LSAMP: variants seen among roughly 807,000 people sequenced by gnomAD.
LSAMP encodes limbic system associated membrane protein, also known as limbic system-associated membrane protein.
Under a neutral mutation model 38.6 loss-of-function variants are expected in LSAMP, and 7 were observed. The observed-to-expected ratio is 0.18, with a 90% CI of 0.10 to 0.34. The LOEUF is 0.34. LSAMP is among the 10% of genes least tolerant of loss of function. The pLI is 1.00. For missense variants in LSAMP, 313 were observed against 420.0 expected, an observed-to-expected ratio of 0.75 and a Z score of 2.23; for synonymous variants, 154 against 166.8, an observed-to-expected ratio of 0.92 and a Z score of 0.59.
chr3:116,264,047 T>C (rs967084116), intron 1 of LSAMP, among the ~76,000 whole-genome samples: 1 of 152,220 alleles, frequency 6.6e-6, no homozygotes, highest in East Asian at 1.9e-4. Flanking sequence ...CAAGTCTGCC[T>C]GCACTTGGTT....
In LSAMP at chr3:115,922,198, T is replaced by C. The variant is rs968835057; in HGVS notation, c.515-69581A>G. On this transcript the variant is annotated intron_variant, in intron 3 of 6. Transcript: ENST00000490035. ...GCTTCCTTCTCTCCTCCTTCTGGAA[T>C]TTCCATAATGCCTATATTGCTTGAT... 5.3e-5 allele frequency among the ~76,000 whole-genome samples: 8 copies of C among 152,300 alleles called. No individual in the cohort carries two copies. In the East Asian group the frequency reaches 1.4e-3, roughly 26 times the overall value.
intron 1 of LSAMP, among the ~76,000 whole-genome samples, chr3:116,346,454 C>T (rs530121274): frequency 1.3e-5 from 2 of 151,960 alleles, no homozygotes; most frequent in East Asian, 3.9e-4. Context: ...TCAGTGTCCA[C>T]AGTAGCTGAG....
intron 1 of LSAMP, among the ~76,000 whole-genome samples, chr3:116,102,785 A>ATCTATCTATCTATCTATCTATCTGTCTG (rs562864883): frequency 1.3e-4 from 20 of 151,804 alleles, no homozygotes; most frequent in African/African-American, 4.9e-4. Context: ...CTATCTATCT[A>ATCTATCTATCTATCTATCTATCTGTCTG]TCTGTCTGTC....
At chr3:116,108,951 G>A (rs1576367788) in intron 1 of LSAMP, among the ~76,000 whole-genome samples, 1 of 150,416 alleles carries the variant, frequency 6.6e-6, no homozygotes, top group African/African-American at 2.4e-5. Flanking sequence ...AAGTCCTGTT[G>A]TGGGGTTTGA....
chr3:115,885,316 G>GT (rs1353028997), intron 3 of LSAMP, among the ~76,000 whole-genome samples: 1 of 151,948 alleles, frequency 6.6e-6, no homozygotes, highest in East Asian at 1.9e-4. Flanking sequence ...TTTAAGAGTT[G>GT]TAAGTGTGGA....
chr3:116,323,656 TG>T (rs2107732879), intron 1 of LSAMP, among the ~76,000 whole-genome samples: 1 of 152,238 alleles, frequency 6.6e-6, no homozygotes, highest in Admixed American at 6.5e-5. Flanking sequence ...CATAGGTTCT[TG>T]GAAAAGCAGA....
Position 115,932,308 on chromosome 3 carries a change from C to A in LSAMP, c.515-79691G>T, listed in dbSNP as rs147486615. Among the ~76,000 whole-genome samples the A allele has an allele frequency of 5.9e-4, 90 of 152,298 alleles. 1 individual carries two copies. The highest frequency in any genetic ancestry group is 1.4e-3 in the Admixed American group (22 of 15,290). On this transcript the variant is annotated intron_variant, in intron 3 of 6. Transcript: ENST00000490035. ...GGACTTTTGTCTTCTGACCACAGAA[C>A]CTGTGCTTTTAACTTTTACATTACA... is the stretch of plus-strand genomic sequence containing the variant.
At chr3:116,140,600 A>G (rs1041752377) in intron 1 of LSAMP, among the ~76,000 whole-genome samples, 1 of 151,982 alleles carries the variant, frequency 6.6e-6, no homozygotes, top group Non-Finnish European at 1.5e-5. Context: ...GATCAAGTAA[A>G]TTGAATTAAA....
intron 1 of LSAMP, among the ~76,000 whole-genome samples, chr3:116,129,119 T>C (rs989776818): frequency 6.6e-6 from 1 of 152,144 alleles, no homozygotes; most frequent in Non-Finnish European, 1.5e-5. Flanking sequence ...ACATAAAACG[T>C]GAATTCATAG....
intron 1 of LSAMP, among the ~76,000 whole-genome samples, chr3:116,263,055 T>C (rs1430376831): frequency 6.6e-6 from 1 of 152,228 alleles, no homozygotes; most frequent in African/African-American, 2.4e-5. Flanking sequence ...TGGGGAAGCC[T>C]GTCTGCTCTC....
intron 1 of LSAMP, among the ~76,000 whole-genome samples, chr3:116,305,933 C>CT (rs11347560): frequency 0.15 from 22,050 of 143,850 alleles, 2,231 homozygotes; most frequent in African/African-American, 0.29. Context: ...TATTTCAGTG[C>CT]TTTTTTTTTT....
intron 1 of LSAMP, among the ~76,000 whole-genome samples, chr3:116,110,646 C>T (rs13087964): frequency 9.2e-5 from 14 of 152,210 alleles, no homozygotes; most frequent in Non-Finnish European, 1.2e-4. Flanking sequence ...AAAAAGAGGC[C>T]GCTTACCAGA....
Position 116,164,760 on chromosome 3 carries a change from A to ATATATTT in LSAMP, c.156-78205_156-78204insAAATATA, listed in dbSNP as rs374542146. ...TATATATCCATATATATATATATATATTTTTTTTTTTTTTCAAGTAGCATC... is the reference window on the plus strand; with the variant it reads ...TATATATCCATATATATATATATATATATATTTTTTTTTTTTTTTTTCAAGTAGCATC... On this transcript the variant is annotated intron_variant, in intron 1 of 6. Transcript: ENST00000490035. Among the ~76,000 whole-genome samples, 137 of 91,602 alleles carry ATATATTT rather than the reference A, an allele frequency of 1.5e-3. 5 individuals carry two copies. The highest frequency in any genetic ancestry group is 5.0e-3 in the South Asian group (14 of 2,802). 60.1% of individuals were successfully genotyped at this position (91,602 alleles called of 152,430 possible).
intron 1 of LSAMP, among the ~76,000 whole-genome samples, chr3:116,339,157 C>A (rs1487814466): frequency 6.6e-6 from 1 of 151,982 alleles, no homozygotes; most frequent in Non-Finnish European, 1.5e-5. Context: ...ACCAGGCAGG[C>A]TTTTGATAAC....
chr3:116,055,361 A>G (rs578077721), intron 2 of LSAMP, among the ~76,000 whole-genome samples: 1 of 152,312 alleles, frequency 6.6e-6, no homozygotes, highest in South Asian at 2.1e-4. Flanking sequence ...AAGCACAGTG[A>G]GTTGTGGTCA....
chr3:116,351,455 T>C (rs1468943441), intron 1 of LSAMP, among the ~76,000 whole-genome samples: 1 of 152,052 alleles, frequency 6.6e-6, no homozygotes, highest in Non-Finnish European at 1.5e-5. Context: ...CATGGGTATG[T>C]TGGAAAGGGA....
At position 115,802,766 on chromosome 3, in the gene LSAMP, A is replaced by G. The variant is rs888029550; in HGVS notation, c.*7551T>C. 2.0e-5 allele frequency: 3 copies of G among 152,082 alleles called. No homozygotes were observed. Among genetic ancestry groups the G allele is most frequent in the Non-Finnish European group, 4.4e-5 (3 of 68,018 alleles). 9.4% of individuals were successfully genotyped at this position (152,082 alleles called of 1,614,324 possible). A position where few individuals can be genotyped will look rare whatever the true frequency, so the allele number is the denominator to read the frequency against. On this transcript the variant is annotated 3_prime_UTR_variant, in exon 7 of 7. Transcript: ENST00000490035. Reference sequence around the variant, plus strand: ...AACACTGTTAATAAGGAGAATTCTAACCAAGAGCAGGATTTATACACCCTT... The same window carrying G: ...AACACTGTTAATAAGGAGAATTCTAGCCAAGAGCAGGATTTATACACCCTT...
intron 3 of LSAMP, among the ~76,000 whole-genome samples, chr3:115,898,752 A>G (rs1559872265): frequency 6.6e-6 from 1 of 152,096 alleles, no homozygotes; most frequent in Non-Finnish European, 1.5e-5. Flanking sequence ...CAGAAAGCTC[A>G]AAGATGGGGG....
chr3:116,101,371 G>A (rs571071396), intron 1 of LSAMP, among the ~76,000 whole-genome samples: 12 of 152,164 alleles, frequency 7.9e-5, no homozygotes, highest in African/African-American at 1.7e-4. Flanking sequence ...ATACATCTAC[G>A]TTATACTATA....
Sources: gnomAD v4.1 joint callset for allele counts (sites outside exome capture counted in the v4.1 genomes callset) on GRCh38, gnomAD v4.1.1 for gene constraint, MANE v1.5 for transcripts, NCBI Gene and HGNC (gene_info 2026-07-23, HGNC 2026-07-21) for gene names.